Variants in HMCN1 observed in about 807,000 individuals in gnomAD.
HMCN1 encodes the protein hemicentin-1.
In HMCN1, 321 loss-of-function variants were observed where a neutral mutation model predicts 625.9. The observed-to-expected ratio is 0.51, with a 90% confidence interval of 0.47 to 0.56. The LOEUF (loss-of-function observed/expected upper bound fraction) is 0.56, where lower values mean the gene tolerates loss of function less well. Ranked by LOEUF, HMCN1 falls within the 20% of genes least tolerant of loss-of-function variation. The pLI is 0.00. For synonymous variants in HMCN1, 2,425 were observed against 2,417.6 expected, an observed-to-expected ratio of 1.00 and a Z score of -0.09; for missense variants, 6,588 against 6,887.3, an observed-to-expected ratio of 0.96 and a Z score of 1.54.
At chr1:185,967,819 T>G (rs1202452313) in intron 14 of HMCN1, among the ~76,000 whole-genome samples, 1 of 152,068 alleles carries the variant, frequency 6.6e-6, no homozygotes, top group Non-Finnish European at 1.5e-5. Flanking sequence ...AAGAATATCT[T>G]TTTCCTCATA....
At chr1:186,184,671 A>AC (rs1553311667) in intron 105 of HMCN1, among the ~76,000 whole-genome samples, 2 of 152,054 alleles carry the variant, frequency 1.3e-5, no homozygotes, top group African/African-American at 2.4e-5. Flanking sequence ...TAAATTACTT[A>AC]TATTTTCTAT....
intron 21 of HMCN1, among the ~76,000 whole-genome samples, 177 bp from the exon 22 acceptor site, chr1:185,990,098 G>A (rs138063167): frequency 1.8e-3 from 271 of 152,164 alleles, no homozygotes; most frequent in African/African-American, 3.7e-3. Flanking sequence ...AAAGTTTTTC[G>A]TCATTTCTCT....
At chr1:186,029,207 T>C (rs1655256616) in intron 36 of HMCN1, among the ~76,000 whole-genome samples, 1 of 152,060 alleles carries the variant, frequency 6.6e-6, no homozygotes, top group Non-Finnish European at 1.5e-5. Context: ...GAAAAGCAAT[T>C]GGCTTATTTT....
intron 4 of HMCN1, among the ~76,000 whole-genome samples, chr1:185,901,436 T>A (rs759341133): frequency 4.0e-5 from 6 of 151,746 alleles, no homozygotes; most frequent in African/African-American, 1.4e-4. Flanking sequence ...TGTTATAATG[T>A]TACAATGGTT....
At chr1:185,801,806 G>C (rs1658815575) in intron 1 of HMCN1, among the ~76,000 whole-genome samples, 1 of 152,172 alleles carries the variant, frequency 6.6e-6, no homozygotes, top group Non-Finnish European at 1.5e-5. Context: ...GTTAAGGATG[G>C]CTGGAGGCGT....
intron 1 of HMCN1, among the ~76,000 whole-genome samples, chr1:185,828,282 G>C (rs936627930): frequency 3.9e-5 from 6 of 152,090 alleles, no homozygotes; most frequent in Non-Finnish European, 8.8e-5. Flanking sequence ...TGGAAGCATA[G>C]TAAATACATG....
chr1:185,987,551 G>A lies in HMCN1; in HGVS notation c.3048+7G>A, dbSNP rs1291710225. 4 of 1,546,432 alleles carry A rather than the reference G, an allele frequency of 2.6e-6. No homozygotes were observed. In the African/African-American group the frequency reaches 4.1e-5, roughly 16 times the overall value. On this transcript the variant is annotated splice_region_variant and intron_variant, in intron 20 of 106. Coordinates refer to ENST00000271588, the MANE Select transcript of HMCN1 (RefSeq NM_031935.3). ...GTCTGTCATCTGGTCCAAGGTAAATGATACATCTAGTTATATTTCCTGAAG... is the reference window on the plus strand; with the variant it reads ...GTCTGTCATCTGGTCCAAGGTAAATAATACATCTAGTTATATTTCCTGAAG...
intron 26 of HMCN1, 50 bp from the exon 27 acceptor site, chr1:186,001,248 A>C (rs1241663719): frequency 6.5e-7 from 1 of 1,533,024 alleles, no homozygotes; most frequent in African/African-American, 1.4e-5. Context: ...AAACTCTATA[A>C]ATAATATTTA....
chr1:186,127,865 ATTG>A (rs768052747), intron 82 of HMCN1, among the ~76,000 whole-genome samples: 2 of 152,150 alleles, frequency 1.3e-5, no homozygotes, highest in African/African-American at 4.8e-5. Context: ...TAAAATGATT[ATTG>A]TTCTGAAAGG....
At chr1:185,832,147 T>G (rs532485124) in intron 1 of HMCN1, among the ~76,000 whole-genome samples, 2 of 151,948 alleles carry the variant, frequency 1.3e-5, no homozygotes, top group South Asian at 4.2e-4. Context: ...AATACAAAAA[T>G]TAGCTGGGCG....
At chr1:186,130,749 C>T (rs756314078) in intron 85 of HMCN1, 52 bp downstream of exon 85, 1 of 1,479,888 alleles carries the variant, frequency 6.8e-7, no homozygotes, top group Non-Finnish European at 9.4e-7. Context: ...CAGCCAATAC[C>T]CCTCTGTGAG....
chr1:186,096,525 T>C (rs1660147103), intron 68 of HMCN1, among the ~76,000 whole-genome samples: 1 of 152,160 alleles, frequency 6.6e-6, no homozygotes, highest in South Asian at 2.1e-4. Context: ...TATGGTTCTC[T>C]GGAGTAGATG....
At chr1:185,786,644 C>CATTT (rs1657590346) in intron 1 of HMCN1, among the ~76,000 whole-genome samples, 1 of 152,188 alleles carries the variant, frequency 6.6e-6, no homozygotes, top group African/African-American at 2.4e-5. Flanking sequence ...ATGTATTTAA[C>CATTT]CACAAATTTC....
intron 1 of HMCN1, among the ~76,000 whole-genome samples, chr1:185,820,411 A>T (rs1265551431): frequency 6.6e-6 from 1 of 152,018 alleles, no homozygotes; most frequent in Admixed American, 6.6e-5. Flanking sequence ...TGTTTTTTTT[A>T]AAACTGGGTC....
rs530879142 is a variant in HMCN1, at chr1:185,845,857, A to G, written c.269-169A>G. Among the ~76,000 whole-genome samples the G allele has an allele frequency of 1.2e-4, 18 of 152,352 alleles. 1 individual carries two copies. Among genetic ancestry groups the G allele is most frequent in the Admixed American group, 7.8e-4 (12 of 15,296 alleles). ...AGATATGCATACTTTACAGTAAATT[A>G]TAAGTTATTCTCTGGTAGCTACAAA... On this transcript the variant is annotated intron_variant, in intron 1 of 106. Transcript: ENST00000271588.
chr1:186,069,539 C>T (rs1658355236), intron 50 of HMCN1, 124 bp from the exon 51 acceptor site: 2 of 712,192 alleles, frequency 2.8e-6, no homozygotes. Context: ...ATCATATGTC[C>T]ATCACAGAAT....
At chr1:185,809,114 G>A (rs187135941) in intron 1 of HMCN1, among the ~76,000 whole-genome samples, 9 of 152,094 alleles carry the variant, frequency 5.9e-5, no homozygotes, top group East Asian at 3.9e-4. Flanking sequence ...CTTTATTAAC[G>A]TCTCTTTCAT....
At chr1:185,808,554 A>G (rs1311726697) in intron 1 of HMCN1, among the ~76,000 whole-genome samples, 2 of 151,990 alleles carry the variant, frequency 1.3e-5, no homozygotes, top group African/African-American at 4.8e-5. Context: ...ATTATCTTTA[A>G]TTTGTTTTTT....
chr1:186,154,409 C>G (rs909499321), intron 97 of HMCN1, among the ~76,000 whole-genome samples: 1 of 152,064 alleles, frequency 6.6e-6, no homozygotes. Context: ...GTAGTCCCAG[C>G]TACTGTGGAG....
Sources: gnomAD v4.1 joint callset for allele counts (sites outside exome capture counted in the v4.1 genomes callset) on GRCh38, gnomAD v4.1.1 for gene constraint, MANE v1.5 for transcripts, NCBI Gene and HGNC (gene_info 2026-07-23, HGNC 2026-07-21) for gene names.